Variants in TMEM108 observed in about 807,000 individuals in gnomAD.
TMEM108 encodes the protein cancer/testis antigen 124.
In TMEM108, 12 loss-of-function variants were observed where a neutral mutation model predicts 35.1. The ratio of observed to expected loss-of-function variants is 0.34; its 90% confidence interval spans 0.22 to 0.55. TMEM108 has a LOEUF of 0.55. Ranked by LOEUF, TMEM108 falls within the 20% of genes least tolerant of loss-of-function variation. TMEM108 has a pLI of 0.89. For synonymous variants in TMEM108, 287 were observed against 308.6 expected (o/e 0.93, Z 0.73); for missense variants, 680 against 753.3 (o/e 0.90, Z 1.14).
intron 2 of TMEM108, among the ~76,000 whole-genome samples, chr3:133,118,291 T>C (rs1250940066): frequency 2.0e-5 from 3 of 152,194 alleles, no homozygotes; most frequent in Non-Finnish European, 2.9e-5. Context: ...CTTAAGATTT[T>C]CCAGTCCTGA....
At chr3:133,046,372 T>C (rs1349105719) in intron 2 of TMEM108, among the ~76,000 whole-genome samples, 1 of 152,240 alleles carries the variant, frequency 6.6e-6, no homozygotes, top group African/African-American at 2.4e-5. Flanking sequence ...ATGTCATATG[T>C]TAGCTCTGGT....
chr3:133,317,286 C>G (rs1207055654), intron 3 of TMEM108, among the ~76,000 whole-genome samples: 1 of 152,144 alleles, frequency 6.6e-6, no homozygotes, highest in Non-Finnish European at 1.5e-5. Flanking sequence ...ACTGTGTATA[C>G]TATTCTCTTG....
intron 3 of TMEM108, among the ~76,000 whole-genome samples, chr3:133,307,064 C>T (rs2071052902): frequency 6.6e-6 from 1 of 152,172 alleles, no homozygotes; most frequent in Admixed American, 6.5e-5. Context: ...GATTGCCATT[C>T]TAACTGGCGT....
chr3:133,181,481 A>G (rs1559859990), intron 2 of TMEM108, among the ~76,000 whole-genome samples: 1 of 152,146 alleles, frequency 6.6e-6, no homozygotes, highest in Non-Finnish European at 1.5e-5. Context: ...CCTTTTGAGG[A>G]CAAAATCTGC....
At position 133,355,616 on chromosome 3, in the gene TMEM108, G is replaced by T. The variant is rs368656420; in HGVS notation, c.41-24136G>T. Among the ~76,000 whole-genome samples the T allele has an allele frequency of 9.2e-5, 14 of 152,276 alleles. No homozygotes were observed. In the South Asian group the frequency reaches 2.9e-3, roughly 32 times the overall value. The stretch of plus-strand genomic sequence containing the variant: ...AACAAATGTCATCATTGTGAGAATG[G>T]TCTCCATTCCATATTCCAAAGCAAC... On this transcript the variant is annotated intron_variant, in intron 3 of 5. Transcript: ENST00000321871.
At chr3:133,239,249 C>T (rs1946279975) in intron 3 of TMEM108, among the ~76,000 whole-genome samples, 1 of 152,166 alleles carries the variant, frequency 6.6e-6, no homozygotes, top group Non-Finnish European at 1.5e-5. Context: ...CTGCAGTTCC[C>T]TTGTGCTACT....
chr3:133,307,505 G>A (rs1467441379), intron 3 of TMEM108, among the ~76,000 whole-genome samples: 1 of 152,130 alleles, frequency 6.6e-6, no homozygotes, highest in Non-Finnish European at 1.5e-5. Context: ...ATGGTTTTAG[G>A]TCTAACATTT....
At chr3:133,356,716 G>A (rs2072184215) in intron 3 of TMEM108, among the ~76,000 whole-genome samples, 1 of 152,028 alleles carries the variant, frequency 6.6e-6, no homozygotes, top group Non-Finnish European at 1.5e-5. Flanking sequence ...ACATAAACTG[G>A]GGAAAAGACA....
At chr3:133,061,873 G>T (rs1378320195) in intron 2 of TMEM108, among the ~76,000 whole-genome samples, 1 of 152,160 alleles carries the variant, frequency 6.6e-6, no homozygotes, top group East Asian at 1.9e-4. Context: ...AAATATGAAA[G>T]GAATATTAGT....
At chr3:133,247,473 G>T (rs1172913164) in intron 3 of TMEM108, 1 of 152,098 alleles carries the variant, frequency 6.6e-6, no homozygotes, top group Non-Finnish European at 1.5e-5. Context: ...CTAGTGTCCT[G>T]AGTGTTAAGG....
intron 4 of TMEM108, chr3:133,389,811 C>G (rs781348494): frequency 6.8e-5 from 12 of 176,986 alleles, no homozygotes; most frequent in Non-Finnish European, 1.2e-4. Context: ...GGGATCCTAA[C>G]AGTACTGACT....
intron 2 of TMEM108, among the ~76,000 whole-genome samples, chr3:133,220,825 A>G (rs1945979130): frequency 6.6e-6 from 1 of 152,194 alleles, no homozygotes; most frequent in African/African-American, 2.4e-5. Context: ...TGTCACCTAT[A>G]CTTCTGACCA....
chr3:133,105,426 ATC>A (rs1330232597), intron 2 of TMEM108, among the ~76,000 whole-genome samples: 1 of 151,998 alleles, frequency 6.6e-6, no homozygotes, highest in Non-Finnish European at 1.5e-5. Flanking sequence ...CTTCCAATGC[ATC>A]TCTCTCAGTA....
intron 2 of TMEM108, among the ~76,000 whole-genome samples, chr3:133,183,401 C>T (rs541527000): frequency 6.6e-5 from 10 of 152,138 alleles, no homozygotes; most frequent in African/African-American, 2.2e-4. Context: ...AGTGAGAAGT[C>T]TTGGTATATT....
At chr3:133,041,714 G>A (rs1039871593) in intron 1 of TMEM108, 4 of 129,982 alleles carry the variant, frequency 3.1e-5, no homozygotes, top group South Asian at 2.4e-4. Context: ...ATATGTATTG[G>A]TTAATTAAAC....
intron 2 of TMEM108, among the ~76,000 whole-genome samples, chr3:133,151,321 C>G (rs1011976567): frequency 1.3e-5 from 2 of 152,098 alleles, no homozygotes; most frequent in Non-Finnish European, 2.9e-5. Flanking sequence ...AGATGCCCAA[C>G]AAATAACTTG....
chr3:133,210,961 T>C (rs140060279), intron 2 of TMEM108, among the ~76,000 whole-genome samples: 1,927 of 152,304 alleles, frequency 0.013, 21 homozygotes, highest in Non-Finnish European at 0.018. Context: ...ATCTTTATAC[T>C]AGCTTAAGAC....
chr3:133,122,618 C>G (rs903686969), intron 2 of TMEM108, among the ~76,000 whole-genome samples: 9 of 152,088 alleles, frequency 5.9e-5, no homozygotes, highest in African/African-American at 2.2e-4. Context: ...GTAATCCCAG[C>G]ACTTTGGGAG....
At chr3:133,143,576 G>A (rs1055865233) in intron 2 of TMEM108, among the ~76,000 whole-genome samples, 18 of 152,090 alleles carry the variant, frequency 1.2e-4, no homozygotes, top group African/African-American at 4.3e-4. Context: ...CTTGTATGGC[G>A]AAAAGATGTC....
Sources: gnomAD v4.1 joint callset for allele counts (sites outside exome capture counted in the v4.1 genomes callset) on GRCh38, gnomAD v4.1.1 for gene constraint, MANE v1.5 for transcripts, NCBI Gene and HGNC (gene_info 2026-07-23, HGNC 2026-07-21) for gene names.